Variants in STXBP3 observed in about 807,000 individuals in gnomAD.
STXBP3 encodes the protein syntaxin-binding protein 3.
In STXBP3, 41 loss-of-function variants were observed where a neutral mutation model predicts 85.7. The ratio of observed to expected loss-of-function variants is 0.48; its 90% confidence interval spans 0.37 to 0.62. STXBP3 has a LOEUF of 0.62. STXBP3 is among the 20% of genes least tolerant of loss of function. The pLI is 0.00. For missense variants in STXBP3, 563 were observed against 703.1 expected, an observed-to-expected ratio of 0.80 and a Z score of 2.25; for synonymous variants, 229 against 231.7, an observed-to-expected ratio of 0.99 and a Z score of 0.10.
chr1:108,777,386 A>G (rs1662612839), intron 8 of STXBP3, among the ~76,000 whole-genome samples: 1 of 152,134 alleles, frequency 6.6e-6, no homozygotes, highest in Non-Finnish European at 1.5e-5. Context: ...TTCTTCAGGT[A>G]GAGGCAATAG....
At chr1:108,806,000 T>C (rs1663322995) in intron 17 of STXBP3, among the ~76,000 whole-genome samples, 2 of 152,180 alleles carry the variant, frequency 1.3e-5, no homozygotes, top group African/African-American at 4.8e-5. Context: ...AAATGAACAA[T>C]TGGGTACTTA....
intron 6 of STXBP3, among the ~76,000 whole-genome samples, chr1:108,764,929 C>T (rs771851126): frequency 1.1e-4 from 16 of 152,112 alleles, no homozygotes; most frequent in African/African-American, 1.9e-4. Context: ...TTGCTTTTGG[C>T]GTCTTTGTCT....
chr1:108,771,820 A>G (rs1490106750), intron 6 of STXBP3, among the ~76,000 whole-genome samples: 1 of 25,394 alleles, frequency 3.9e-5, no homozygotes, highest in African/African-American at 1.4e-4. Flanking sequence ...TAAATATATG[A>G]TATCTATCTA....
At chr1:108,803,126 T>G (rs1663265569) in intron 17 of STXBP3, among the ~76,000 whole-genome samples, 1 of 152,244 alleles carries the variant, frequency 6.6e-6, no homozygotes, top group African/African-American at 2.4e-5. Context: ...TTTTTTCCTT[T>G]TCTACAAAAG....
chr1:108,773,860 C>A (rs1038259204), intron 7 of STXBP3, among the ~76,000 whole-genome samples: 1 of 151,762 alleles, frequency 6.6e-6, no homozygotes, highest in African/African-American at 2.4e-5. Context: ...TGCATTATAT[C>A]GAGATGACGA....
At chr1:108,760,625 A>T (rs529260049) in intron 6 of STXBP3, among the ~76,000 whole-genome samples, 1 of 152,286 alleles carries the variant, frequency 6.6e-6, no homozygotes, top group South Asian at 2.1e-4. Flanking sequence ...ACATAAATTT[A>T]TTCATTTAAT....
Position 108,798,406 on chromosome 1 carries a change from C to CTTTT in STXBP3, c.1449+187_1449+190dup, listed in dbSNP as rs781000610. Among the ~76,000 whole-genome samples the CTTTT allele has an allele frequency of 5.4e-3, 551 of 101,452 alleles. 2 individuals carry two copies. The highest frequency in any genetic ancestry group is 0.027 in the East Asian group (86 of 3,150). 66.6% of individuals were successfully genotyped at this position (101,452 alleles called of 152,430 possible). On this transcript the variant is annotated intron_variant, in intron 16 of 18. Transcript: ENST00000370008. Reference sequence around the variant, plus strand: ...TGGGAAACTCTTGAAGATTCTTCTTCTTTTTTTTTTTTTTTTTTTTTCTTT... The same window carrying CTTTT: ...TGGGAAACTCTTGAAGATTCTTCTTCTTTTTTTTTTTTTTTTTTTTTTTTTCTTT...
At chr1:108,775,702 G>A (rs1319216581) in intron 7 of STXBP3, among the ~76,000 whole-genome samples, 3 of 151,986 alleles carry the variant, frequency 2.0e-5, no homozygotes, top group African/African-American at 7.3e-5. Flanking sequence ...CATGGTGACC[G>A]CCAGTTCCAT....
chr1:108,800,995 CTCCT>C (rs1054502165), intron 17 of STXBP3, among the ~76,000 whole-genome samples: 1 of 152,128 alleles, frequency 6.6e-6, no homozygotes, highest in Non-Finnish European at 1.5e-5. Context: ...TCCTTTCTCT[CTCCT>C]TCCTTTCTTT....
intron 9 of STXBP3, 21 bp downstream of exon 9, chr1:108,779,431 A>G (rs866193453): frequency 6.2e-7 from 1 of 1,603,276 alleles, no homozygotes; most frequent in Non-Finnish European, 8.5e-7. Context: ...CTTGAAGGGC[A>G]TATAAAGGGC....
intron 11 of STXBP3, among the ~76,000 whole-genome samples, chr1:108,786,032 A>G (rs538748821): frequency 6.6e-6 from 1 of 152,274 alleles, no homozygotes; most frequent in Admixed American, 6.5e-5. Context: ...CCCAGTTCCA[A>G]AGTTTCTTCC....
At chr1:108,805,399 A>G (rs947674356) in intron 17 of STXBP3, among the ~76,000 whole-genome samples, 1 of 150,552 alleles carries the variant, frequency 6.6e-6, no homozygotes, top group African/African-American at 2.4e-5. Context: ...GGAAGCAATC[A>G]TCTGAAAGGC....
At chr1:108,758,711 C>G (rs1348185307) in intron 5 of STXBP3, 123 bp downstream of exon 5, 20 of 421,502 alleles carry the variant, frequency 4.7e-5, no homozygotes, top group Non-Finnish European at 7.7e-5. Flanking sequence ...TTATTTCAGT[C>G]CTGGTGATTT....
chr1:108,787,051 A>G (rs1662847395), intron 11 of STXBP3, among the ~76,000 whole-genome samples: 1 of 151,908 alleles, frequency 6.6e-6, no homozygotes, highest in Non-Finnish European at 1.5e-5. Context: ...ATTTTACTTT[A>G]TTAGTATATA....
intron 8 of STXBP3, among the ~76,000 whole-genome samples, chr1:108,777,144 G>A (rs1314858850): frequency 1.3e-5 from 2 of 152,152 alleles, no homozygotes; most frequent in African/African-American, 4.8e-5. Context: ...GCTGGAGAAT[G>A]AAGAAAAGGA....
chr1:108,793,751 T>G (rs1663028537), intron 12 of STXBP3, 104 bp downstream of exon 12: 1 of 938,186 alleles, frequency 1.1e-6, no homozygotes, highest in South Asian at 1.6e-5. Flanking sequence ...GAATACTTGG[T>G]GTTATTTGTC....
chr1:108,796,827 C>T, intron 15 of STXBP3, 101 bp downstream of exon 15: 1 of 730,238 alleles, frequency 1.4e-6, no homozygotes, highest in Non-Finnish European at 2.0e-6. Flanking sequence ...TTCTTAAGTT[C>T]ACTCTATAGA....
intron 11 of STXBP3, among the ~76,000 whole-genome samples, chr1:108,790,625 ATATTC>A (rs1662954450): frequency 6.6e-6 from 1 of 151,786 alleles, no homozygotes; most frequent in Non-Finnish European, 1.5e-5. Flanking sequence ...TTCATTTTTT[ATATTC>A]TATTCTTTTC....
chr1:108,803,474 G>T (rs1251165411), intron 17 of STXBP3, among the ~76,000 whole-genome samples: 6 of 152,044 alleles, frequency 3.9e-5, no homozygotes, highest in African/African-American at 1.2e-4. Context: ...CGGGTCTGTT[G>T]GTGGTAGTCT....
Sources: gnomAD v4.1 joint callset for allele counts (sites outside exome capture counted in the v4.1 genomes callset) on GRCh38, gnomAD v4.1.1 for gene constraint, MANE v1.5 for transcripts, NCBI Gene and HGNC (gene_info 2026-07-23, HGNC 2026-07-21) for gene names.